The following DIAPH3 variants were observed in gnomAD, a reference collection of about 807,000 sequenced individuals.
The protein encoded by DIAPH3 is diaphanous related formin 3.
A neutral mutation model predicts 144.3 loss-of-function variants in DIAPH3; 117 were observed. That is an observed-to-expected ratio of 0.81 (90% CI 0.70 to 0.95). The LOEUF (loss-of-function observed/expected upper bound fraction) is 0.95. Among genes scored for constraint, DIAPH3 ranks in the 40% least tolerant of loss-of-function variants. DIAPH3 has a pLI of 0.00. For missense variants in DIAPH3, 1,421 were observed against 1,412.7 expected, an observed-to-expected ratio of 1.01 and a Z score of -0.09; for synonymous variants, 519 against 488.9, an observed-to-expected ratio of 1.06 and a Z score of -0.81.
At chr13:60,052,013 C>T (rs1394650330) in intron 4 of DIAPH3, among the ~76,000 whole-genome samples, 2 of 152,172 alleles carry the variant, frequency 1.3e-5, no homozygotes, top group Non-Finnish European at 2.9e-5. Context: ...GTAGCAGCTA[C>T]CTGCTTCCTC....
At chr13:59,859,523 T>C (rs944592574) in intron 22 of DIAPH3, among the ~76,000 whole-genome samples, 1 of 152,134 alleles carries the variant, frequency 6.6e-6, no homozygotes, top group Admixed American at 6.5e-5. Flanking sequence ...CAATAAATTC[T>C]ACAATAAAAA....
intron 25 of DIAPH3, among the ~76,000 whole-genome samples, chr13:59,781,600 G>C (rs553756071): frequency 6.6e-6 from 1 of 152,126 alleles, no homozygotes; most frequent in Non-Finnish European, 1.5e-5. Flanking sequence ...CCACAGAACC[G>C]GTAGCAAATC....
At position 60,163,541 on chromosome 13, in the gene DIAPH3, A is replaced by G; in HGVS notation, c.180+46T>C. ...GGGCCCACCCTCGGCAGTCAGCCCT[A>G]CGGCGGGGCGGGAGCGGCCCCACCC... On this transcript the variant is annotated intron_variant, in intron 1 of 27. Transcript: ENST00000400324. 3 of 1,579,278 alleles carry G rather than the reference A, an allele frequency of 1.9e-6. No individual in the cohort carries two copies. In the East Asian group the frequency reaches 6.8e-5, roughly 36 times the overall value.
chr13:59,833,154 C>T lies in DIAPH3; in HGVS notation c.2980G>A (p.Val994Met), dbSNP rs1255787321. Residue 994 changes from valine to methionine, a missense_variant, in exon 24 of 28, where the codon GTG (valine) becomes ATG (methionine). Coordinates refer to ENST00000400324, the MANE Select transcript of DIAPH3 (RefSeq NM_001042517.2). Reference sequence around the variant, plus strand: ...TTCAGGTCAGTAAGAAAGTCTTCCACAGACACCTTCTTCACATCAATGGCA... The same window carrying T: ...TTCAGGTCAGTAAGAAAGTCTTCCATAGACACCTTCTTCACATCAATGGCA... ...YYAIDVKKVS[V>M]EDFLTDLNNF... is the part of the protein sequence containing the mutation. The T allele has an allele frequency of 6.2e-7, 1 of 1,610,842 alleles. No individual in the cohort carries two copies. Among genetic ancestry groups the T allele is most frequent in the African/African-American group, 1.3e-5 (1 of 74,890 alleles).
At chr13:59,740,961 A>G (rs1333815414) in intron 27 of DIAPH3, among the ~76,000 whole-genome samples, 1 of 152,184 alleles carries the variant, frequency 6.6e-6, no homozygotes, top group Non-Finnish European at 1.5e-5. Flanking sequence ...AAAAGAAACA[A>G]TAAGGATGAT....
intron 27 of DIAPH3, among the ~76,000 whole-genome samples, chr13:59,674,995 G>T (rs1341006493): frequency 6.6e-6 from 1 of 152,130 alleles, no homozygotes; most frequent in African/African-American, 2.4e-5. Context: ...ATAATACAGG[G>T]ATATGGTTTG....
intron 14 of DIAPH3, 53 bp from the exon 15 acceptor site, chr13:59,974,509 C>CT: frequency 7.1e-7 from 1 of 1,417,528 alleles, no homozygotes; most frequent in Non-Finnish European, 9.9e-7. Context: ...ATGAAAAGCA[C>CT]TATTCTTCTT....
At chr13:59,670,156 C>A (rs746361629) in intron 27 of DIAPH3, among the ~76,000 whole-genome samples, 2 of 151,978 alleles carry the variant, frequency 1.3e-5, no homozygotes, top group African/African-American at 2.4e-5. Flanking sequence ...GCTTTAGGGA[C>A]AAAATGATAA....
At chr13:59,893,153 G>C (rs926231020) in intron 20 of DIAPH3, among the ~76,000 whole-genome samples, 1 of 152,028 alleles carries the variant, frequency 6.6e-6, no homozygotes, top group Admixed American at 6.6e-5. Context: ...ATGATGAACC[G>C]CCATAGCATC....
rs2141014828 is a variant in DIAPH3 at position 60,020,073 on chromosome 13, T to G, written c.627-3928A>C. Among the ~76,000 whole-genome samples the G allele has an allele frequency of 2.0e-5, 3 of 152,302 alleles. No homozygotes were observed. The Middle Eastern group carries it at 0.01, about 518-fold the overall frequency. On this transcript the variant is annotated intron_variant, in intron 5 of 27. Transcript: ENST00000400324. ...AAGAGCAATCTTACCTGATGCATAC[T>G]CCTTGAGTATAGGGACCGTTTCTTA...
At chr13:60,092,272 C>T (rs895072370) in intron 4 of DIAPH3, among the ~76,000 whole-genome samples, 3 of 151,892 alleles carry the variant, frequency 2.0e-5, no homozygotes, top group Non-Finnish European at 4.4e-5. Flanking sequence ...CCCCCAATAC[C>T]AATTTGTGAT....
At chr13:59,729,025 A>G (rs1301986729) in intron 27 of DIAPH3, among the ~76,000 whole-genome samples, 2 of 151,924 alleles carry the variant, frequency 1.3e-5, no homozygotes, top group Non-Finnish European at 2.9e-5. Flanking sequence ...ACTAATCACA[A>G]TGAGATGCTC....
At chr13:59,893,890 A>G (rs2045948788) in intron 20 of DIAPH3, among the ~76,000 whole-genome samples, 1 of 152,144 alleles carries the variant, frequency 6.6e-6, no homozygotes, top group South Asian at 2.1e-4. Flanking sequence ...GTGTTTCTCT[A>G]TATTCCAAAC....
intron 4 of DIAPH3, among the ~76,000 whole-genome samples, chr13:60,077,756 G>A (rs751390311): frequency 6.6e-6 from 1 of 152,044 alleles, no homozygotes; most frequent in South Asian, 2.1e-4. Context: ...CCTTCGTGGA[G>A]CTTCTAGTTT....
At chr13:60,093,353 A>G (rs184070521) in intron 4 of DIAPH3, among the ~76,000 whole-genome samples, 5 of 152,356 alleles carry the variant, frequency 3.3e-5, no homozygotes, top group African/African-American at 7.2e-5. Flanking sequence ...CAATGACTAT[A>G]TTAATTCACT....
chr13:59,958,961 C>T (rs1002057929), intron 17 of DIAPH3, among the ~76,000 whole-genome samples: 30 of 150,634 alleles, frequency 2.0e-4, no homozygotes, highest in Non-Finnish European at 7.4e-5. Context: ...CTGCAACCTC[C>T]GCCTCCCGGG....
intron 21 of DIAPH3, 96 bp from the exon 22 acceptor site, chr13:59,861,632 A>C (rs2043596542): frequency 1.5e-6 from 2 of 1,332,946 alleles, no homozygotes; most frequent in Non-Finnish European, 2.1e-6. Flanking sequence ...GTAGATAAGG[A>C]CTAAAAGTTG....
intron 27 of DIAPH3, among the ~76,000 whole-genome samples, chr13:59,742,885 G>C (rs949224119): frequency 6.6e-6 from 1 of 152,116 alleles, no homozygotes; most frequent in Non-Finnish European, 1.5e-5. Flanking sequence ...TTTGGGGTAC[G>C]CATTTTCAAA....
chr13:59,800,674 A>G (rs1387266240), intron 25 of DIAPH3, among the ~76,000 whole-genome samples: 1 of 152,138 alleles, frequency 6.6e-6, no homozygotes, highest in African/African-American at 2.4e-5. Flanking sequence ...TCCAAACGAC[A>G]TGTTTCCTCA....
Sources: allele counts gnomAD v4.1 joint callset (sites outside exome capture counted in the v4.1 genomes callset), GRCh38; gene constraint gnomAD v4.1.1; transcripts MANE v1.5; gene names NCBI Gene and HGNC (gene_info 2026-07-23, HGNC 2026-07-21).